The following MTCL1 variants were observed in gnomAD, a reference collection of about 807,000 sequenced individuals.
MTCL1 encodes the protein microtubule crosslinking factor 1, also known as microtubule cross-linking factor 1.
Under a neutral mutation model 141.4 loss-of-function variants are expected in MTCL1, and 79 were observed. The ratio of observed to expected loss-of-function variants is 0.56; its 90% confidence interval spans 0.47 to 0.67. The LOEUF is 0.67. Ranked by LOEUF, MTCL1 falls within the 30% of genes least tolerant of loss-of-function variation. The pLI, the probability that MTCL1 is intolerant of heterozygous loss-of-function variation, is 0.00. For missense variants in MTCL1, 2,177 were observed against 2,113.9 expected, an observed-to-expected ratio of 1.03 and a Z score of -0.59; for synonymous variants, 914 against 875.8, an observed-to-expected ratio of 1.04 and a Z score of -0.77.
rs372309487 is a variant in MTCL1, at chr18:8,743,312, T to C, written c.357+22816T>C. On this transcript the variant is annotated intron_variant, in intron 4 of 16. Transcript: ENST00000359865. The stretch of plus-strand genomic sequence containing the variant: ...TACATATTGGCATTTTATGTTTTCC[T>C]TTTCTTTACTTTTCCTTTTACTTGC... Among the ~76,000 whole-genome samples, 12 of 152,362 alleles carry C rather than the reference T, an allele frequency of 7.9e-5. No individual in the cohort carries two copies. In the East Asian group the frequency reaches 1.3e-3, roughly 17 times the overall value.
chr18:8,816,041 C>A lies in MTCL1; in HGVS notation c.2859+2808C>A, dbSNP rs188613203. 3.3e-5 allele frequency among the ~76,000 whole-genome samples: 5 copies of A among 152,322 alleles called. No homozygotes were observed. The East Asian group carries it at 9.7e-4, about 29-fold the overall frequency. The stretch of plus-strand genomic sequence containing the variant: ...CATTTTTAAAGAAGACTTCTTAAAT[C>A]TCAGTGCCCCATCCGGAAATTGAGG... On this transcript the variant is annotated intron_variant, in intron 12 of 16. Transcript: ENST00000359865.
At chr18:8,763,601 C>CTTCACGCTTCTACATATCCTTTGG (rs1424605143) in intron 4 of MTCL1, among the ~76,000 whole-genome samples, 4 of 152,246 alleles carry the variant, frequency 2.6e-5, no homozygotes, top group African/African-American at 7.2e-5. Flanking sequence ...CTTTCCTTTG[C>CTTCACGCTTCTACATATCCTTTGG]TTCACGCTTC....
At chr18:8,776,585 C>A (rs1408635536) in intron 4 of MTCL1, among the ~76,000 whole-genome samples, 2 of 152,172 alleles carry the variant, frequency 1.3e-5, no homozygotes, top group Non-Finnish European at 2.9e-5. Flanking sequence ...TTTGTAAGAT[C>A]TTTAAGATAG....
intron 9 of MTCL1, among the ~76,000 whole-genome samples, chr18:8,797,366 G>A (rs552787902): frequency 4.6e-5 from 7 of 152,286 alleles, no homozygotes; most frequent in African/African-American, 1.4e-4. Flanking sequence ...CGATTCCCAG[G>A]TTTATAATAG....
chr18:8,796,050 T>C (rs2075906038), intron 8 of MTCL1, among the ~76,000 whole-genome samples, 182 bp from the exon 8 acceptor site: 1 of 152,194 alleles, frequency 6.6e-6, no homozygotes, highest in Admixed American at 6.5e-5. Context: ...GCAATACTCA[T>C]GAGGTTTTGT....
chr18:8,716,627 T>C (rs1205231187), upstream of MTCL1, among the ~76,000 whole-genome samples: 1 of 151,744 alleles, frequency 6.6e-6, no homozygotes, highest in East Asian at 1.9e-4. Flanking sequence ...TGTTCTTTAT[T>C]GTTAGTCAAT....
In MTCL1 at chr18:8,720,511, T is replaced by G. The variant is rs763496625; in HGVS notation, c.357+15T>G. 3.4e-5 allele frequency: 54 copies of G among 1,611,860 alleles called. 1 individual carries two copies. In the African/African-American group the frequency reaches 6.8e-4, roughly 20 times the overall value. On this transcript the variant is annotated intron_variant, in intron 4 of 16. Coordinates refer to ENST00000359865, the Ensembl canonical transcript of MTCL1. ...GACTGAAAGAGGTAATCCAAAACTGTGGGGGTCCTGCCCCCTTGGATTTAA... is the reference window on the plus strand; with the variant it reads ...GACTGAAAGAGGTAATCCAAAACTGGGGGGGTCCTGCCCCCTTGGATTTAA...
intron 7 of MTCL1, chr18:8,786,653 T>A (rs967247658): frequency 1.1e-5 from 3 of 284,394 alleles, no homozygotes; most frequent in Non-Finnish European, 2.1e-5. Flanking sequence ...ACAGAGACCA[T>A]GGTTGGAAGT....
At chr18:8,709,428 A>T (rs1389352415) in intron 1 of MTCL1, among the ~76,000 whole-genome samples, 1 of 152,134 alleles carries the variant, frequency 6.6e-6, no homozygotes, top group East Asian at 1.9e-4. Flanking sequence ...TCCTGGCTTC[A>T]AGTGATCCTC....
At chr18:8,715,043 G>A (rs893862787), upstream of MTCL1, among the ~76,000 whole-genome samples, 50 of 152,228 alleles carry the variant, frequency 3.3e-4, no homozygotes, top group African/African-American at 8.4e-4. Flanking sequence ...TGATCCGCCC[G>A]CCTCGGCCTC....
At position 8,813,988 on chromosome 18, in the gene MTCL1, T is replaced by G. The variant is rs190465874; in HGVS notation, c.2859+755T>G. ...GGCTGGATTTTTACATAGTATATAT[T>G]TTGTTTATTTCAGCCAGTCACACAC... On this transcript the variant is annotated intron_variant, in intron 12 of 16. Coordinates refer to ENST00000359865, the Ensembl canonical transcript of MTCL1. Among the ~76,000 whole-genome samples the G allele has an allele frequency of 1.2e-4, 19 of 152,346 alleles. No homozygotes were observed. In the East Asian group the frequency reaches 3.7e-3, roughly 29 times the overall value.
At chr18:8,733,593 A>G (rs2096262156) in intron 4 of MTCL1, among the ~76,000 whole-genome samples, 1 of 152,052 alleles carries the variant, frequency 6.6e-6, no homozygotes, top group Non-Finnish European at 1.5e-5. Flanking sequence ...TTTAGTAGAG[A>G]TGGGGTTTCA....
intron 4 of MTCL1, among the ~76,000 whole-genome samples, chr18:8,754,361 G>A (rs901043728): frequency 2.0e-5 from 3 of 152,140 alleles, no homozygotes; most frequent in Non-Finnish European, 4.4e-5. Context: ...GTGAGCCACC[G>A]CGCCTGGCCT....
At chr18:8,824,769 G>A in exon 15 of MTCL1, 5 of 1,614,068 alleles carry the variant, frequency 3.1e-6, no homozygotes, top group Non-Finnish European at 4.2e-6. Flanking sequence ...GCCTGAGAAG[G>A]GCCTGCCGTC....
rs778600405 is a variant in MTCL1 at position 8,828,477 on chromosome 18, G to A, written c.4723-431G>A. Among the ~76,000 whole-genome samples the A allele has an allele frequency of 1.3e-5, 2 of 152,220 alleles. No homozygotes were observed. The highest frequency in any genetic ancestry group is 2.9e-5 in the Non-Finnish European group (2 of 68,040). On this transcript the variant is annotated intron_variant, in intron 15 of 16. Coordinates refer to ENST00000359865, the Ensembl canonical transcript of MTCL1. This position sits in a 1 kb window ranked among gnomAD's most constrained non-coding sequence, Gnocchi z 5.2. The stretch of plus-strand genomic sequence containing the variant: ...TGAGGGGAACTTTTTAGAGTAAGTG[G>A]CAGTAGCTTGGCTGTTGTGACCGAA...
rs201725001 is a variant in MTCL1, at chr18:8,727,854, C to CTT, written c.357+7359_357+7360insTT. On this transcript the variant is annotated intron_variant, in intron 4 of 16. Transcript: ENST00000359865. ...TCTTTATTTTCCCTGCTTGCTCCTTCTCTCTCTCTCTCTCTCTCTCCCTGC... is the reference window on the plus strand; with the variant it reads ...TCTTTATTTTCCCTGCTTGCTCCTTCTTTCTCTCTCTCTCTCTCTCTCCCTGC... 1.1e-3 allele frequency among the ~76,000 whole-genome samples: 161 copies of CTT among 145,224 alleles called. 1 individual carries two copies. Among genetic ancestry groups the CTT allele is most frequent in the Middle Eastern group, 3.5e-3 (1 of 282 alleles).
chr18:8,731,086 A>C (rs1187431270), intron 4 of MTCL1, among the ~76,000 whole-genome samples: 1 of 151,960 alleles, frequency 6.6e-6, no homozygotes, highest in Non-Finnish European at 1.5e-5. Context: ...TCTACTAAAA[A>C]TACAAAAAAT....
chr18:8,825,586 C>G (rs116291960), exon 15 of MTCL1: 8 of 1,613,568 alleles, frequency 5.0e-6, no homozygotes, highest in Non-Finnish European at 6.8e-6. Flanking sequence ...ACACCCGTGT[C>G]GTCTCCTTCC....
chr18:8,710,227 ACT>A (rs1465017872), intron 1 of MTCL1, among the ~76,000 whole-genome samples: 1 of 152,088 alleles, frequency 6.6e-6, no homozygotes, highest in Non-Finnish European at 1.5e-5. Flanking sequence ...GTCGTCCCTG[ACT>A]CTGCTTTCTG....
Sources: gnomAD v4.1 joint callset for allele counts (sites outside exome capture counted in the v4.1 genomes callset) on GRCh38, gnomAD v4.1.1 for gene constraint, Gnocchi (gnomAD v3.1) non-coding constraint, MANE v1.5 for transcripts, NCBI Gene and HGNC (gene_info 2026-07-23, HGNC 2026-07-21) for gene names.